MOB3B: variants seen among roughly 807,000 people sequenced by gnomAD.
MOB3B encodes MOB kinase activator-like 2B.
In MOB3B, 7 loss-of-function variants were observed where a neutral mutation model predicts 18.7. That is an observed-to-expected ratio of 0.37 (90% CI 0.21 to 0.70). MOB3B has a LOEUF of 0.70. Among genes scored for constraint, MOB3B ranks in the 30% least tolerant of loss-of-function variants. The pLI, the probability that MOB3B is intolerant of heterozygous loss-of-function variation, is 0.52. For missense variants in MOB3B, 253 were observed against 281.3 expected, an observed-to-expected ratio of 0.90 and a Z score of 0.72; for synonymous variants, 111 against 99.9, an observed-to-expected ratio of 1.11 and a Z score of -0.66.
chr9:27,425,422 G>A (rs1483721146), intron 2 of MOB3B, among the ~76,000 whole-genome samples: 1 of 151,486 alleles, frequency 6.6e-6, no homozygotes, highest in Non-Finnish European at 1.5e-5. Context: ...CAAAGTCACT[G>A]GGGGCAGATC....
At chr9:27,457,343 A>C (rs1819192243) in intron 1 of MOB3B, among the ~76,000 whole-genome samples, 1 of 152,218 alleles carries the variant, frequency 6.6e-6, no homozygotes, top group South Asian at 2.1e-4. Context: ...AAAATGAGCC[A>C]ACAGCTGTGG....
intron 1 of MOB3B, among the ~76,000 whole-genome samples, chr9:27,469,274 T>A (rs887586069): frequency 2.6e-5 from 4 of 152,018 alleles, no homozygotes; most frequent in Admixed American, 1.3e-4. Context: ...GGCTGGGAAT[T>A]TTTTTTCTAA....
chr9:27,399,440 T>C (rs1324625415), intron 2 of MOB3B, among the ~76,000 whole-genome samples: 2 of 152,136 alleles, frequency 1.3e-5, no homozygotes, highest in African/African-American at 2.4e-5. Context: ...CCAGTGAGCA[T>C]CCTGTACTCA....
At chr9:27,367,496 C>T (rs968136649) in intron 2 of MOB3B, among the ~76,000 whole-genome samples, 2 of 152,206 alleles carry the variant, frequency 1.3e-5, no homozygotes, top group Non-Finnish European at 2.9e-5. Context: ...ATGATTCCAG[C>T]TGTGGGACTT....
intron 2 of MOB3B, chr9:27,378,753 G>T (rs1037105167): frequency 6.6e-6 from 3 of 455,950 alleles, no homozygotes; most frequent in Non-Finnish European, 9.1e-6. Context: ...AAGTGATAAA[G>T]GAAATGAAGG....
At chr9:27,465,929 C>T (rs1322259632) in intron 1 of MOB3B, among the ~76,000 whole-genome samples, 1 of 152,120 alleles carries the variant, frequency 6.6e-6, no homozygotes, top group Non-Finnish European at 1.5e-5. Context: ...TCCTGCTGGG[C>T]CTCTGGGCCT....
At chr9:27,465,159 G>A (rs751358265) in intron 1 of MOB3B, among the ~76,000 whole-genome samples, 7 of 152,186 alleles carry the variant, frequency 4.6e-5, no homozygotes, top group Non-Finnish European at 1.0e-4. Flanking sequence ...AGCCTGCAAA[G>A]TCAACAGCAA....
At chr9:27,412,233 C>G (rs1384931792) in intron 2 of MOB3B, among the ~76,000 whole-genome samples, 1 of 151,726 alleles carries the variant, frequency 6.6e-6, no homozygotes, top group Non-Finnish European at 1.5e-5. Flanking sequence ...GCAGCCATAC[C>G]TACCCCCATT....
At chr9:27,403,582 G>A (rs983852094) in intron 2 of MOB3B, among the ~76,000 whole-genome samples, 1 of 133,448 alleles carries the variant, frequency 7.5e-6, no homozygotes, top group Non-Finnish European at 1.5e-5. Context: ...GCCCAGGCTA[G>A]AGCGCAATGG....
At chr9:27,361,996 G>C (rs1226252788) in intron 2 of MOB3B, among the ~76,000 whole-genome samples, 1 of 152,142 alleles carries the variant, frequency 6.6e-6, no homozygotes, top group African/African-American at 2.4e-5. Context: ...CTCCACACTG[G>C]CTACAGATAA....
At chr9:27,467,780 G>A (rs935187521) in intron 1 of MOB3B, among the ~76,000 whole-genome samples, 10 of 152,224 alleles carry the variant, frequency 6.6e-5, no homozygotes, top group African/African-American at 2.4e-4. Context: ...CTGCCTTTAT[G>A]AATGGAATTG....
chr9:27,516,219 C>A (rs908713495), intron 1 of MOB3B, among the ~76,000 whole-genome samples: 1 of 152,190 alleles, frequency 6.6e-6, no homozygotes, highest in Non-Finnish European at 1.5e-5. Context: ...GAATAAATTT[C>A]CATTGTTCTA....
At chr9:27,509,696 A>T (rs146305937) in intron 1 of MOB3B, among the ~76,000 whole-genome samples, 1,669 of 151,158 alleles carry the variant, frequency 0.011, 35 homozygotes, top group African/African-American at 0.038. Flanking sequence ...AGATTACAGG[A>T]GTGAGCCACC....
intron 2 of MOB3B, among the ~76,000 whole-genome samples, chr9:27,439,395 A>T (rs1048356756): frequency 1.3e-5 from 2 of 152,174 alleles, no homozygotes; most frequent in African/African-American, 4.8e-5. Context: ...AAGACATACC[A>T]TACATACATA....
chr9:27,491,497 T>C (rs1477382324), intron 1 of MOB3B, among the ~76,000 whole-genome samples: 2 of 152,200 alleles, frequency 1.3e-5, no homozygotes, highest in South Asian at 2.1e-4. Flanking sequence ...TCAAACTTTT[T>C]ATTTTCAGAG....
chr9:27,518,528 T>C, intron 1 of MOB3B, among the ~76,000 whole-genome samples: 2 of 152,232 alleles, frequency 1.3e-5, no homozygotes, highest in East Asian at 3.8e-4. Context: ...TAGGTTTTAC[T>C]GATGGTACAC....
intron 2 of MOB3B, among the ~76,000 whole-genome samples, chr9:27,448,225 A>G (rs140062492): frequency 6.6e-6 from 1 of 152,302 alleles, no homozygotes; most frequent in Non-Finnish European, 1.5e-5. Flanking sequence ...AAGTTACTTA[A>G]TCCTTTTGAG....
intron 1 of MOB3B, among the ~76,000 whole-genome samples, chr9:27,484,116 C>A (rs766315618): frequency 4.6e-5 from 7 of 152,194 alleles, no homozygotes; most frequent in Non-Finnish European, 8.8e-5. Flanking sequence ...TTGTTACCTG[C>A]ATTTCATAAT....
chr9:27,361,470 A>G (rs1210846517), intron 2 of MOB3B, among the ~76,000 whole-genome samples: 1 of 152,198 alleles, frequency 6.6e-6, no homozygotes, highest in Non-Finnish European at 1.5e-5. Flanking sequence ...AGAAGCCACA[A>G]CCAGAGGCAA....
Sources: allele counts gnomAD v4.1 joint callset (sites outside exome capture counted in the v4.1 genomes callset), GRCh38; gene constraint gnomAD v4.1.1; transcripts MANE v1.5; gene names NCBI Gene and HGNC (gene_info 2026-07-23, HGNC 2026-07-21).